The following MARCHF11 variants were observed in gnomAD, a reference collection of about 807,000 sequenced individuals.
The protein encoded by MARCHF11 is membrane associated ring-CH-type finger 11.
A neutral mutation model predicts 37.3 loss-of-function variants in MARCHF11; 29 were observed. That is an observed-to-expected ratio of 0.78 (90% CI 0.58 to 1.06). The LOEUF is 1.06. Ranked by LOEUF, MARCHF11 falls within the 50% of genes least tolerant of loss-of-function variation. The pLI is 0.00. For missense variants in MARCHF11, 482 were observed against 533.4 expected, an observed-to-expected ratio of 0.90 and a Z score of 0.95; for synonymous variants, 233 against 228.0, an observed-to-expected ratio of 1.02 and a Z score of -0.20.
intron 2 of MARCHF11, among the ~76,000 whole-genome samples, chr5:16,103,527 G>A (rs1338719639): frequency 2.0e-5 from 3 of 152,180 alleles, no homozygotes; most frequent in Non-Finnish European, 2.9e-5. Flanking sequence ...TTGCAGAGAT[G>A]TTCACCTGCC....
chr5:16,109,439 G>A (rs749724824), intron 2 of MARCHF11, among the ~76,000 whole-genome samples: 7 of 152,220 alleles, frequency 4.6e-5, no homozygotes, highest in Admixed American at 1.3e-4. Flanking sequence ...GACAGAGTTC[G>A]TAGAACTTCT....
At chr5:16,173,243 C>T (rs905568338) in intron 2 of MARCHF11, among the ~76,000 whole-genome samples, 1 of 152,292 alleles carries the variant, frequency 6.6e-6, no homozygotes, top group Admixed American at 6.5e-5. Context: ...CCTTTTGACT[C>T]CCTTTGACTG....
At chr5:16,169,260 G>A (rs1008203507) in intron 2 of MARCHF11, among the ~76,000 whole-genome samples, 4 of 151,888 alleles carry the variant, frequency 2.6e-5, no homozygotes, top group African/African-American at 9.7e-5. Flanking sequence ...ACTTATGGGC[G>A]ACATCCTCCT....
At chr5:16,124,238 C>T (rs758989943) in intron 2 of MARCHF11, among the ~76,000 whole-genome samples, 7 of 152,112 alleles carry the variant, frequency 4.6e-5, no homozygotes, top group Non-Finnish European at 1.0e-4. Flanking sequence ...TGAGGAACTG[C>T]TACCTAGAAC....
intron 2 of MARCHF11, among the ~76,000 whole-genome samples, chr5:16,134,998 T>TCTCTCTCACACA (rs137865822): frequency 5.6e-5 from 8 of 143,704 alleles, no homozygotes; most frequent in East Asian, 4.2e-4. Flanking sequence ...TCTCTCTCTC[T>TCTCTCTCACACA]CACACACACA....
At chr5:16,132,725 C>A (rs1435727400) in intron 2 of MARCHF11, among the ~76,000 whole-genome samples, 1 of 151,758 alleles carries the variant, frequency 6.6e-6, no homozygotes, top group African/African-American at 2.4e-5. Context: ...TCTTGGAAAT[C>A]TAAGAAAGTA....
intron 2 of MARCHF11, among the ~76,000 whole-genome samples, chr5:16,145,243 T>C (rs756105744): frequency 5.9e-5 from 9 of 152,158 alleles, no homozygotes; most frequent in Non-Finnish European, 1.3e-4. Flanking sequence ...AAAATTCATG[T>C]GTTAGAAACT....
intron 2 of MARCHF11, among the ~76,000 whole-genome samples, chr5:16,158,130 C>T (rs951013764): frequency 6.6e-6 from 1 of 151,888 alleles, no homozygotes; most frequent in Non-Finnish European, 1.5e-5. Context: ...AACGACACAT[C>T]GCCTCACACC....
intron 2 of MARCHF11, among the ~76,000 whole-genome samples, chr5:16,106,139 A>G (rs1394191280): frequency 6.6e-6 from 1 of 152,106 alleles, no homozygotes; most frequent in Non-Finnish European, 1.5e-5. Context: ...CTCCCTGTAA[A>G]TGGCAGGGCG....
At chr5:16,108,816 T>TC (rs1737089597) in intron 2 of MARCHF11, among the ~76,000 whole-genome samples, 2 of 152,112 alleles carry the variant, frequency 1.3e-5, no homozygotes, top group Admixed American at 1.3e-4. Flanking sequence ...AGGGTATTTT[T>TC]CTCCTGCAGC....
In MARCHF11 at chr5:16,139,486, C is replaced by T. The variant is rs544808365; in HGVS notation, c.693+38240G>A. 7.9e-5 allele frequency among the ~76,000 whole-genome samples: 12 copies of T among 152,188 alleles called. No individual in the cohort carries two copies. The South Asian group carries it at 1.5e-3, about 18-fold the overall frequency. On this transcript the variant is annotated intron_variant, in intron 2 of 3. Coordinates refer to ENST00000332432, the MANE Select transcript of MARCHF11 (RefSeq NM_001102562.3). ...CTATTAAAATGGACTAATACATATG[C>T]TATATGTAAGGAACATCTAAAATAA...
chr5:16,130,294 C>A (rs1310377996), intron 2 of MARCHF11, among the ~76,000 whole-genome samples: 1 of 150,506 alleles, frequency 6.6e-6, no homozygotes, highest in Non-Finnish European at 1.5e-5. Context: ...AAGATGTGTT[C>A]ATCTTTTTTG....
rs1737514571 is a variant in MARCHF11, at chr5:16,131,537, G to T, written c.694-40456C>A. On this transcript the variant is annotated intron_variant, in intron 2 of 3. Transcript: ENST00000332432. ...AATGTTATCAGCAAAGCAATGAGAA[G>T]AACTGGTCGGGGGTGGGAGTGGTGA... is the stretch of plus-strand genomic sequence containing the variant. Among the ~76,000 whole-genome samples the T allele has an allele frequency of 2.6e-5, 4 of 152,302 alleles. No individual in the cohort carries two copies. In the South Asian group the frequency reaches 8.3e-4, roughly 32 times the overall value.
chr5:16,123,934 A>C (rs924302379), intron 2 of MARCHF11, among the ~76,000 whole-genome samples: 1 of 152,190 alleles, frequency 6.6e-6, no homozygotes, highest in African/African-American at 2.4e-5. Flanking sequence ...GATCAATGGG[A>C]TAGAACATTT....
chr5:16,171,770 T>C (rs114837604), intron 2 of MARCHF11, among the ~76,000 whole-genome samples: 83 of 152,294 alleles, frequency 5.4e-4, no homozygotes, highest in African/African-American at 1.9e-3. Flanking sequence ...TGAAGACAGT[T>C]TGGAGCCATG....
chr5:16,162,548 C>A (rs1270598676), intron 2 of MARCHF11, among the ~76,000 whole-genome samples: 1 of 151,940 alleles, frequency 6.6e-6, no homozygotes, highest in African/African-American at 2.4e-5. Context: ...TTAACAATAT[C>A]TCTCAACAAT....
intron 2 of MARCHF11, among the ~76,000 whole-genome samples, chr5:16,112,477 A>G (rs1474500769): frequency 1.3e-5 from 2 of 152,130 alleles, no homozygotes; most frequent in African/African-American, 4.8e-5. Context: ...CCTTTGTTTC[A>G]GCTTTTTTCT....
At position 16,067,567 on chromosome 5, in the gene MARCHF11, A is replaced by G; in HGVS notation, c.1113T>C (p.Tyr371=). Residue 371 remains tyrosine (Y), a synonymous_variant, in exon 4 of 4, where the codon TAT becomes TAC. Coordinates refer to ENST00000332432, the MANE Select transcript of MARCHF11 (RefSeq NM_001102562.3). ...TCCGATTGAACAGGTGCAATAACAC[A>G]TAGCCACACTGAAACCTTGGTGAGG... ...QLTSPRFQCG[Y]VLLHLFNRMR... 1 of 1,613,984 alleles carries G rather than the reference A, an allele frequency of 6.2e-7. No individual in the cohort carries two copies. Among genetic ancestry groups the G allele is most frequent in the Non-Finnish European group, 8.5e-7 (1 of 1,179,862 alleles).
In MARCHF11 at chr5:16,151,616, A is replaced by T. The variant is rs180780847; in HGVS notation, c.693+26110T>A. Among the ~76,000 whole-genome samples, 155 of 119,490 alleles carry T rather than the reference A, an allele frequency of 1.3e-3. 2 individuals carry two copies. Among genetic ancestry groups the T allele is most frequent in the African/African-American group, 4.8e-3 (150 of 31,246 alleles). 78.4% of individuals were successfully genotyped at this position (119,490 alleles called of 152,430 possible). A position where few individuals can be genotyped will look rare whatever the true frequency, so the allele number is the denominator to read the frequency against. On this transcript the variant is annotated intron_variant, in intron 2 of 3. Coordinates refer to ENST00000332432, the MANE Select transcript of MARCHF11 (RefSeq NM_001102562.3). Reference sequence around the variant, plus strand: ...AGTTGTGTATCTTGGCATCAGGAGCATGTCTGTGTGTGTGTGTGCATGCGT... The same window carrying T: ...AGTTGTGTATCTTGGCATCAGGAGCTTGTCTGTGTGTGTGTGTGCATGCGT...
Sources: gnomAD v4.1 joint callset for allele counts (sites outside exome capture counted in the v4.1 genomes callset) on GRCh38, gnomAD v4.1.1 for gene constraint, MANE v1.5 for transcripts, NCBI Gene and HGNC (gene_info 2026-07-23, HGNC 2026-07-21) for gene names.